Variants in CNTN5 observed in about 807,000 individuals in gnomAD.
The protein encoded by CNTN5 is contactin 5.
CNTN5 carries 77 observed loss-of-function variants against 129.1 expected under a neutral mutation model. The observed-to-expected ratio is 0.60, with a 90% CI of 0.50 to 0.72. The LOEUF (loss-of-function observed/expected upper bound fraction) is 0.72. Among genes scored for constraint, CNTN5 ranks in the 30% least tolerant of loss-of-function variants. The pLI, the probability that CNTN5 is intolerant of heterozygous loss-of-function variation, is 0.00. For synonymous variants in CNTN5, 509 were observed against 465.6 expected (o/e 1.09, Z -1.20); for missense variants, 1,478 against 1,328.8 (o/e 1.11, Z -1.75).
chr11:99,928,047 C>A (rs1361968435), intron 7 of CNTN5, among the ~76,000 whole-genome samples: 1 of 152,132 alleles, frequency 6.6e-6, no homozygotes, highest in Non-Finnish European at 1.5e-5. Context: ...GAGTTAGAGG[C>A]CCCATGCAAG....
intron 3 of CNTN5, among the ~76,000 whole-genome samples, chr11:99,774,061 C>T (rs1384984318): frequency 6.6e-6 from 1 of 151,992 alleles, no homozygotes; most frequent in Non-Finnish European, 1.5e-5. Context: ...ACTGTGATCA[C>T]CAATTTTAAT....
chr11:99,035,960 G>C (rs1410139869), intron 1 of CNTN5, among the ~76,000 whole-genome samples: 2 of 151,852 alleles, frequency 1.3e-5, no homozygotes, highest in Non-Finnish European at 2.9e-5. Flanking sequence ...TTTTAGGGCA[G>C]GCCTGGTGGT....
chr11:99,616,586 A>G (rs1372332277), intron 3 of CNTN5, among the ~76,000 whole-genome samples: 3 of 152,228 alleles, frequency 2.0e-5, no homozygotes, highest in African/African-American at 7.2e-5. Flanking sequence ...GAGAATGTGG[A>G]TAATAGGCTA....
intron 3 of CNTN5, among the ~76,000 whole-genome samples, chr11:99,634,996 T>C (rs1951499878): frequency 6.6e-6 from 1 of 152,172 alleles, no homozygotes; most frequent in South Asian, 2.1e-4. Flanking sequence ...ACAAAATATA[T>C]ACTAATATCT....
chr11:99,562,113 C>T (rs918551155), intron 3 of CNTN5, among the ~76,000 whole-genome samples: 19 of 152,122 alleles, frequency 1.2e-4, no homozygotes, highest in Admixed American at 5.9e-4. Context: ...TCTCTCTGCA[C>T]CATGAAGAGG....
intron 7 of CNTN5, among the ~76,000 whole-genome samples, chr11:99,943,419 G>A: frequency 6.6e-6 from 1 of 152,202 alleles, no homozygotes; most frequent in African/African-American, 2.4e-5. Context: ...GTTCCTTGTA[G>A]ATTCTGGATA....
At chr11:100,167,844 G>C (rs533044702) in intron 13 of CNTN5, among the ~76,000 whole-genome samples, 14 of 152,068 alleles carry the variant, frequency 9.2e-5, no homozygotes, top group African/African-American at 3.4e-4. Flanking sequence ...CCAAAAGCTA[G>C]GCCTCTTGTG....
At chr11:99,763,834 C>T (rs985008563) in intron 3 of CNTN5, among the ~76,000 whole-genome samples, 5 of 151,716 alleles carry the variant, frequency 3.3e-5, no homozygotes, top group Admixed American at 6.6e-5. Context: ...TAAAAAATCT[C>T]AAGCATAACC....
At chr11:99,809,583 G>A (rs1156287173) in intron 3 of CNTN5, among the ~76,000 whole-genome samples, 3 of 151,966 alleles carry the variant, frequency 2.0e-5, no homozygotes, top group South Asian at 2.1e-4. Flanking sequence ...CCTAAATCCA[G>A]AATTGAATGA....
intron 3 of CNTN5, among the ~76,000 whole-genome samples, chr11:99,686,746 G>C (rs1953811882): frequency 6.6e-6 from 1 of 152,128 alleles, no homozygotes; most frequent in African/African-American, 2.4e-5. Flanking sequence ...TCTTCCCACT[G>C]TGGCCAGTAA....
At chr11:100,316,876 A>G (rs1951582316) in intron 21 of CNTN5, among the ~76,000 whole-genome samples, 1 of 152,176 alleles carries the variant, frequency 6.6e-6, no homozygotes, top group Admixed American at 6.6e-5. Flanking sequence ...TCCTGGTTTC[A>G]GTTCTGAACA....
intron 2 of CNTN5, among the ~76,000 whole-genome samples, chr11:99,504,705 TAG>T (rs1946554365): frequency 6.6e-6 from 1 of 152,274 alleles, no homozygotes; most frequent in South Asian, 2.1e-4. Context: ...AGTAAATTGT[TAG>T]AAAGTCGTTC....
At chr11:99,929,034 C>T (rs1247573559) in intron 7 of CNTN5, among the ~76,000 whole-genome samples, 1 of 152,194 alleles carries the variant, frequency 6.6e-6, no homozygotes, top group Non-Finnish European at 1.5e-5. Flanking sequence ...TAAATCATCT[C>T]TCTCACGTTT....
At chr11:100,346,682 C>T (rs1169745399) in intron 23 of CNTN5, among the ~76,000 whole-genome samples, 2 of 152,048 alleles carry the variant, frequency 1.3e-5, no homozygotes, top group African/African-American at 4.8e-5. Context: ...TCCCCTCACC[C>T]ATATCTACTT....
At chr11:99,130,711 G>A (rs1445086222) in intron 1 of CNTN5, among the ~76,000 whole-genome samples, 3 of 152,114 alleles carry the variant, frequency 2.0e-5, no homozygotes, top group African/African-American at 7.2e-5. Context: ...ATAATTGGAA[G>A]TAAAACACTC....
chr11:99,380,944 A>C (rs536307118), intron 2 of CNTN5, among the ~76,000 whole-genome samples: 1 of 152,238 alleles, frequency 6.6e-6, no homozygotes, highest in African/African-American at 2.4e-5. Flanking sequence ...ACCTGTTTAA[A>C]TATTGGAAAC....
chr11:99,185,181 A>C (rs1565385556), intron 1 of CNTN5, among the ~76,000 whole-genome samples: 1 of 151,876 alleles, frequency 6.6e-6, no homozygotes, highest in Non-Finnish European at 1.5e-5. Flanking sequence ...TTTCTTTTTC[A>C]GGTAATATTT....
intron 2 of CNTN5, among the ~76,000 whole-genome samples, chr11:99,494,763 G>T (rs1353239043): frequency 1.3e-5 from 2 of 152,050 alleles, no homozygotes; most frequent in Non-Finnish European, 2.9e-5. Context: ...TCCAAGTAAA[G>T]GTGTCGTTTG....
rs189862652 is a variant in CNTN5 at position 100,336,249 on chromosome 11, A to T, written c.2731-4214A>T. ...TAATCTAATATGTGGAAAACAGGGT[A>T]TATGAAGATTTCCATGGCAGCATTT... On this transcript the variant is annotated intron_variant, in intron 21 of 24. Transcript: ENST00000524871. Among the ~76,000 whole-genome samples, 3 of 152,320 alleles carry T rather than the reference A, an allele frequency of 2.0e-5. No individual in the cohort carries two copies. In the South Asian group the frequency reaches 6.2e-4, roughly 32 times the overall value.
Sources: gnomAD v4.1 joint callset for allele counts (sites outside exome capture counted in the v4.1 genomes callset) on GRCh38, gnomAD v4.1.1 for gene constraint, MANE v1.5 for transcripts, NCBI Gene and HGNC (gene_info 2026-07-23, HGNC 2026-07-21) for gene names.